C12orf42: variants seen among roughly 807,000 people sequenced by gnomAD.
C12orf42 encodes uncharacterized protein C12orf42.
In C12orf42, 25 loss-of-function variants were observed where a neutral mutation model predicts 21.6. That is an observed-to-expected ratio of 1.16 (90% confidence interval 0.84 to 1.62). The LOEUF (loss-of-function observed/expected upper bound fraction) is 1.62, where lower values mean the gene tolerates loss of function less well. Among genes scored for constraint, C12orf42 ranks in the 40% most tolerant of loss-of-function variants. C12orf42 has a pLI of 0.00. For missense variants in C12orf42, 483 were observed against 459.3 expected (o/e 1.05, Z -0.47); for synonymous variants, 174 against 175.0 (o/e 0.99, Z 0.05).
chr12:103,286,595 C>T (rs2036475103), intron 4 of C12orf42, among the ~76,000 whole-genome samples: 1 of 151,030 alleles, frequency 6.6e-6, no homozygotes, highest in African/African-American at 2.4e-5. Context: ...ATCATTATTA[C>T]TATTATTCTT....
At chr12:103,333,628 AC>A in intron 4 of C12orf42, among the ~76,000 whole-genome samples, 1 of 152,326 alleles carries the variant, frequency 6.6e-6, no homozygotes, top group South Asian at 2.1e-4. Context: ...AAAACTCAGA[AC>A]ATCACATCCA....
At chr12:103,119,839 G>C in the C12orf42 span, among the ~76,000 whole-genome samples, 2 of 152,210 alleles carry the variant, frequency 1.3e-5, no homozygotes, top group African/African-American at 2.4e-5. Flanking sequence ...TGCCCTTTAT[G>C]ATATAAAGAC....
chr12:103,171,761 C>T, the C12orf42 span, among the ~76,000 whole-genome samples: 1 of 151,996 alleles, frequency 6.6e-6, no homozygotes, highest in African/African-American at 2.4e-5. Flanking sequence ...CCCACCTACG[C>T]CTAGGTTTGG....
chr12:103,434,878 T>C (rs373869710), intron 2 of C12orf42, among the ~76,000 whole-genome samples: 3 of 152,172 alleles, frequency 2.0e-5, no homozygotes, highest in African/African-American at 7.2e-5. Flanking sequence ...GCCGGGAAGC[T>C]CGAACTGGGT....
chr12:103,350,652 C>T (rs1193923426), intron 4 of C12orf42, among the ~76,000 whole-genome samples: 1 of 152,078 alleles, frequency 6.6e-6, no homozygotes, highest in African/African-American at 2.4e-5. Context: ...GAATGTATTT[C>T]CCCCATGGAT....
At chr12:103,290,455 G>A (rs10778228) in intron 4 of C12orf42, among the ~76,000 whole-genome samples, 72,711 of 152,026 alleles carry the variant, frequency 0.48, 19,577 homozygotes, top group African/African-American at 0.73. Flanking sequence ...TGGGTCAACA[G>A]GCAATTGTTG....
upstream of C12orf42, among the ~76,000 whole-genome samples, chr12:103,496,422 CAA>C (rs750899381): frequency 4.8e-4 from 73 of 152,222 alleles, no homozygotes; most frequent in Middle Eastern, 0.01. Context: ...ACTTTTAATC[CAA>C]AGTCATGCTA....
chr12:103,110,796 T>C, the C12orf42 span, among the ~76,000 whole-genome samples: 1 of 152,218 alleles, frequency 6.6e-6, no homozygotes, highest in Admixed American at 6.5e-5. Flanking sequence ...ACTTGGTATG[T>C]GCATTTGAGA....
intron 4 of C12orf42, among the ~76,000 whole-genome samples, chr12:103,337,479 T>A (rs1430206098): frequency 6.6e-6 from 1 of 152,134 alleles, no homozygotes; most frequent in Non-Finnish European, 1.5e-5. Flanking sequence ...GCCTCCCAAG[T>A]AGCTAGGACT....
chr12:103,243,946 G>A (rs1188135982), intron 10 of C12orf42, among the ~76,000 whole-genome samples: 1 of 152,138 alleles, frequency 6.6e-6, no homozygotes, highest in Non-Finnish European at 1.5e-5. Context: ...CCATTCTACA[G>A]CTACACCTCA....
intron 2 of C12orf42, among the ~76,000 whole-genome samples, chr12:103,463,249 C>G (rs531909278): frequency 6.6e-6 from 1 of 152,162 alleles, no homozygotes; most frequent in Non-Finnish European, 1.5e-5. Flanking sequence ...CCTTCCTCTT[C>G]TAGTTCTCCT....
the C12orf42 span, among the ~76,000 whole-genome samples, chr12:103,519,977 G>A: frequency 2.0e-5 from 3 of 152,186 alleles, no homozygotes; most frequent in Non-Finnish European, 4.4e-5. Context: ...GGAACGAGAT[G>A]GGCACCACAG....
At chr12:103,534,630 G>A in the C12orf42 span, among the ~76,000 whole-genome samples, 51 of 152,210 alleles carry the variant, frequency 3.4e-4, no homozygotes, top group South Asian at 1.7e-3. Flanking sequence ...GAAACTTACC[G>A]TATGATTGGA....
chr12:103,049,751 C>A, the C12orf42 span, among the ~76,000 whole-genome samples: 15 of 152,114 alleles, frequency 9.9e-5, no homozygotes, highest in Non-Finnish European at 1.9e-4. Flanking sequence ...TACCTCATTG[C>A]CTTTGCACGT....
intron 10 of C12orf42, among the ~76,000 whole-genome samples, chr12:103,254,657 G>A (rs1029106459): frequency 2.6e-5 from 4 of 152,146 alleles, no homozygotes; most frequent in Admixed American, 1.3e-4. Flanking sequence ...AAACTAATAC[G>A]GGAACAGAAA....
At chr12:103,534,259 A>T in the C12orf42 span, among the ~76,000 whole-genome samples, 1 of 152,198 alleles carries the variant, frequency 6.6e-6, no homozygotes, top group Non-Finnish European at 1.5e-5. Flanking sequence ...AATAAATACC[A>T]CAGAAATTCT....
intron 2 of C12orf42, chr12:103,441,337 G>T (rs997075905): frequency 6.6e-6 from 1 of 152,168 alleles, no homozygotes. Context: ...TGCAAAAATG[G>T]TTGAAATATT....
At chr12:103,194,923 AT>A in the C12orf42 span, among the ~76,000 whole-genome samples, 10 of 152,036 alleles carry the variant, frequency 6.6e-5, no homozygotes, top group Non-Finnish European at 1.2e-4. Flanking sequence ...CCTGATAGGT[AT>A]TTTTTTCAAT....
the C12orf42 span, among the ~76,000 whole-genome samples, chr12:103,556,191 G>A: frequency 1.1e-3 from 174 of 152,238 alleles, 2 homozygotes; most frequent in African/African-American, 3.3e-3. Flanking sequence ...AAATTCCTAC[G>A]TCAAAGTTAC....
Sources: allele counts gnomAD v4.1 joint callset (sites outside exome capture counted in the v4.1 genomes callset), GRCh38; gene constraint gnomAD v4.1.1; transcripts MANE v1.5; gene names NCBI Gene and HGNC (gene_info 2026-07-23, HGNC 2026-07-21).